Variants in FHIT observed in about 807,000 individuals in gnomAD.
FHIT encodes bis(5'-adenosyl)-triphosphatase.
FHIT carries 19 observed loss-of-function variants against 17.9 expected under a neutral mutation model. The observed-to-expected ratio is 1.06, with a 90% CI of 0.74 to 1.56. The LOEUF is 1.56. Ranked by LOEUF, FHIT falls within the 40% of genes most tolerant of loss-of-function variation. The pLI is 0.00. For missense variants in FHIT, 248 were observed against 189.2 expected (o/e 1.31, Z -1.82); for synonymous variants, 81 against 69.7 (o/e 1.16, Z -0.81).
chr3:61,115,443 A>G (rs575528172), intron 2 of FHIT, among the ~76,000 whole-genome samples: 1 of 152,236 alleles, frequency 6.6e-6, no homozygotes, highest in African/African-American at 2.4e-5. Context: ...GTAGAGCCCA[A>G]CTGTCCAGTG....
At chr3:59,808,089 C>G (rs934012852) in intron 8 of FHIT, among the ~76,000 whole-genome samples, 2 of 150,088 alleles carry the variant, frequency 1.3e-5, no homozygotes, top group Admixed American at 6.6e-5. Flanking sequence ...CTCCCCTTTC[C>G]CCTACCCCCC....
intron 2 of FHIT, among the ~76,000 whole-genome samples, chr3:61,126,065 A>G (rs1576062475): frequency 6.6e-6 from 1 of 151,802 alleles, no homozygotes; most frequent in African/African-American, 2.4e-5. Context: ...CTGGGTTGGG[A>G]CCTCTGTGGT....
chr3:59,836,112 A>G (rs1157147902), intron 8 of FHIT, among the ~76,000 whole-genome samples: 1 of 152,110 alleles, frequency 6.6e-6, no homozygotes, highest in Non-Finnish European at 1.5e-5. Context: ...TGAGTTTACA[A>G]AGAAGACTCA....
At chr3:60,875,468 C>T (rs1423771680) in intron 3 of FHIT, among the ~76,000 whole-genome samples, 21 of 152,152 alleles carry the variant, frequency 1.4e-4, no homozygotes, top group African/African-American at 5.1e-4. Context: ...CTTTTCTGCC[C>T]TCTGCCACAG....
chr3:60,273,615 A>G (rs866618818), intron 5 of FHIT, among the ~76,000 whole-genome samples: 1 of 152,276 alleles, frequency 6.6e-6, no homozygotes, highest in Middle Eastern at 3.4e-3. Flanking sequence ...TCGTCTCAAA[A>G]AAAAGAAAAA....
rs1056365037 is a variant in FHIT, at chr3:59,773,084, A to C, written c.349-20763T>G. ...TGAATTTTTTTGTTTGAGAGTTTCCACCTTAAGGTTTTCAAGGGGTCCACA... is the reference window on the plus strand; with the variant it reads ...TGAATTTTTTTGTTTGAGAGTTTCCCCCTTAAGGTTTTCAAGGGGTCCACA... On this transcript the variant is annotated intron_variant, in intron 8 of 9. Transcript: ENST00000492590. Among the ~76,000 whole-genome samples, 9 of 152,206 alleles carry C rather than the reference A, an allele frequency of 5.9e-5. No homozygotes were observed. In the East Asian group the frequency reaches 1.7e-3, roughly 29 times the overall value.
At position 60,281,036 on chromosome 3, in the gene FHIT, A is replaced by ATCCTGAAAAAAACAGGATAAAATT. The variant is rs1395447376; in HGVS notation, c.103+255823_103+255824insAATTTTATCCTGTTTTTTTCAGGA. ...TATCCTGAAAAAAACAGGATAAAAT[A>ATCCTGAAAAAAACAGGATAAAATT]TTTCTTTCCAATATGCCAGAAAATA... On this transcript the variant is annotated intron_variant, in intron 5 of 9. Coordinates refer to ENST00000492590, the MANE Select transcript of FHIT (RefSeq NM_002012.4). Among the ~76,000 whole-genome samples the ATCCTGAAAAAAACAGGATAAAATT allele has an allele frequency of 8.7e-3, 93 of 10,708 alleles. 2 individuals are homozygous for ATCCTGAAAAAAACAGGATAAAATT. The highest frequency in any genetic ancestry group is 0.012 in the Non-Finnish European group (53 of 4,422). 7.0% of individuals were successfully genotyped at this position (10,708 alleles called of 152,430 possible). A position where few individuals can be genotyped will look rare whatever the true frequency, so the allele number is the denominator to read the frequency against.
intron 3 of FHIT, among the ~76,000 whole-genome samples, chr3:60,968,013 A>C (rs2107521328): frequency 6.6e-6 from 1 of 152,396 alleles, no homozygotes; most frequent in Middle Eastern, 3.4e-3. Context: ...AAAAAAAATT[A>C]GTAAGAAATC....
At chr3:60,096,406 T>A (rs1172932885) in intron 5 of FHIT, among the ~76,000 whole-genome samples, 1 of 151,906 alleles carries the variant, frequency 6.6e-6, no homozygotes, top group Non-Finnish European at 1.5e-5. Context: ...ATTAGATTGG[T>A]TCAACGGCAT....
At chr3:60,311,103 C>T (rs994598520) in intron 5 of FHIT, among the ~76,000 whole-genome samples, 1 of 152,122 alleles carries the variant, frequency 6.6e-6, no homozygotes, top group Non-Finnish European at 1.5e-5. Flanking sequence ...TCCCTTTTGG[C>T]ATCTTCCCCT....
intron 4 of FHIT, among the ~76,000 whole-genome samples, chr3:60,601,215 C>T (rs2038435536): frequency 6.6e-6 from 1 of 152,174 alleles, no homozygotes; most frequent in Non-Finnish European, 1.5e-5. Flanking sequence ...GTGGGCTGCA[C>T]CCTGCTTCCC....
At chr3:60,495,641 T>C (rs1466308373) in intron 5 of FHIT, among the ~76,000 whole-genome samples, 1 of 152,134 alleles carries the variant, frequency 6.6e-6, no homozygotes, top group Non-Finnish European at 1.5e-5. Flanking sequence ...AGCATCAGTA[T>C]GTCAAATTTC....
At chr3:60,035,951 G>A (rs1046633786) in intron 5 of FHIT, among the ~76,000 whole-genome samples, 1 of 152,058 alleles carries the variant, frequency 6.6e-6, no homozygotes. Flanking sequence ...GTCCATGGTG[G>A]GCCAGCAGAT....
At chr3:61,185,057 G>T (rs193195395) in intron 2 of FHIT, among the ~76,000 whole-genome samples, 2 of 150,886 alleles carry the variant, frequency 1.3e-5, no homozygotes, top group Admixed American at 1.4e-4. Context: ...CTCAGTTCAA[G>T]TATAAATAGA....
intron 4 of FHIT, among the ~76,000 whole-genome samples, chr3:60,817,660 T>A (rs1701787392): frequency 6.6e-6 from 1 of 152,070 alleles, no homozygotes; most frequent in Admixed American, 6.6e-5. Context: ...CTGGCTACTA[T>A]CAAGATTCTC....
In FHIT at chr3:61,207,386, A is replaced by G. The variant is rs148208406; in HGVS notation, c.-212-6721T>C. ...TTTCTATTGACTGGAATAGTTTCAG[A>G]AGAACTGGTACCAGCTCCTCCTTGT... On this transcript the variant is annotated intron_variant, in intron 1 of 9. Transcript: ENST00000492590. Among the ~76,000 whole-genome samples, 71 of 152,346 alleles carry G rather than the reference A, an allele frequency of 4.7e-4. 1 individual carries two copies. In the East Asian group the frequency reaches 0.011, roughly 24 times the overall value.
intron 5 of FHIT, among the ~76,000 whole-genome samples, chr3:60,279,868 A>G (rs1472972183): frequency 6.6e-6 from 1 of 151,884 alleles, no homozygotes. Flanking sequence ...CGTCTCTACT[A>G]AAAATACAAA....
At chr3:60,089,992 G>C (rs1253134925) in intron 5 of FHIT, among the ~76,000 whole-genome samples, 1 of 152,098 alleles carries the variant, frequency 6.6e-6, no homozygotes, top group Non-Finnish European at 1.5e-5. Flanking sequence ...CTTATGTAGT[G>C]CTTACTGTGT....
intron 2 of FHIT, among the ~76,000 whole-genome samples, chr3:61,187,838 A>G (rs1169009058): frequency 6.6e-6 from 1 of 152,250 alleles, no homozygotes; most frequent in African/African-American, 2.4e-5. Context: ...ACTACTGAGT[A>G]CATCACGAAA....
Sources: gnomAD v4.1 joint callset for allele counts (sites outside exome capture counted in the v4.1 genomes callset) on GRCh38, gnomAD v4.1.1 for gene constraint, MANE v1.5 for transcripts, NCBI Gene and HGNC (gene_info 2026-07-23, HGNC 2026-07-21) for gene names.